Variants in VPS37A observed in about 807,000 individuals in gnomAD.
VPS37A encodes the protein VPS37A subunit of ESCRT-I.
In VPS37A, 30 loss-of-function variants were observed where a neutral mutation model predicts 49.8. The observed-to-expected ratio is 0.60, with a 90% CI of 0.45 to 0.82. The LOEUF is 0.82. VPS37A is among the 40% of genes least tolerant of loss of function. The pLI, the probability that VPS37A is intolerant of heterozygous loss-of-function variation, is 0.00. For synonymous variants in VPS37A, 195 were observed against 160.6 expected (o/e 1.21, Z -1.62); for missense variants, 593 against 464.4 (o/e 1.28, Z -2.55).
At chr8:17,329,279 G>A in the VPS37A span, among the ~76,000 whole-genome samples, 10 of 152,106 alleles carry the variant, frequency 6.6e-5, no homozygotes, top group African/African-American at 1.9e-4. Context: ...CCTCCGCAAT[G>A]GTTTATAATT....
At chr8:17,308,224 A>G in the VPS37A span, among the ~76,000 whole-genome samples, 3 of 152,084 alleles carry the variant, frequency 2.0e-5, no homozygotes, top group African/African-American at 4.8e-5. Context: ...TTATCAAACA[A>G]TTATCTAGCT....
At chr8:17,268,236 T>G (rs558191961) in intron 2 of VPS37A, 22 bp from the exon 3 acceptor site, 1 of 1,524,718 alleles carries the variant, frequency 6.6e-7, no homozygotes, top group Admixed American at 1.8e-5. Context: ...TTTTTGTTTT[T>G]CATCTGTTCT....
intron 6 of VPS37A, among the ~76,000 whole-genome samples, chr8:17,277,861 TAC>T (rs67718316): frequency 0.1 from 14,016 of 140,748 alleles, 667 homozygotes; most frequent in Middle Eastern, 0.13. Context: ...TTCTCTTTTA[TAC>T]ACACACACAC....
chr8:17,303,870 C>A (rs1425731750), downstream of VPS37A, among the ~76,000 whole-genome samples: 2 of 152,138 alleles, frequency 1.3e-5, no homozygotes, highest in Non-Finnish European at 2.9e-5. Context: ...TCGGCTAATA[C>A]ATACAATCTT....
At chr8:17,262,041 G>A (rs937524649) in intron 1 of VPS37A, among the ~76,000 whole-genome samples, 1 of 152,092 alleles carries the variant, frequency 6.6e-6, no homozygotes, top group African/African-American at 2.4e-5. Context: ...TGTTCACCTC[G>A]ATCTTACTTT....
downstream of VPS37A, chr8:17,305,703 AGTCAT>A (rs1817403817): frequency 6.8e-7 from 1 of 1,474,550 alleles, no homozygotes; most frequent in Non-Finnish European, 9.3e-7. Context: ...TAAAATTCTC[AGTCAT>A]CAAAATCTTT....
chr8:17,280,091 G>A lies in VPS37A; in HGVS notation c.777G>A (p.Leu259=), dbSNP rs544377432. The A allele has an allele frequency of 1.1e-5, 17 of 1,612,612 alleles. No individual in the cohort carries two copies. The East Asian group carries it at 3.3e-4, about 32-fold the overall frequency. Residue 259 remains leucine (L), a synonymous_variant, in exon 7 of 12, where the codon TTG becomes TTA. Transcript: ENST00000324849. ...TATTACTAGAACAGTTTCTGACTTT[G>A]CCTCAACTAAAACAAATTATTACCG... ...EEVLLEQFLT[L]PQLKQIITDK...
the VPS37A span, among the ~76,000 whole-genome samples, chr8:17,320,095 G>A: frequency 1.3e-5 from 2 of 151,898 alleles, no homozygotes; most frequent in Admixed American, 6.6e-5. Flanking sequence ...TGGGATAGAC[G>A]GGGTTAAATA....
chr8:17,327,900 ATACAG>A, the VPS37A span, among the ~76,000 whole-genome samples: 2 of 152,228 alleles, frequency 1.3e-5, no homozygotes, highest in African/African-American at 4.8e-5. Flanking sequence ...TTTTTCATCT[ATACAG>A]TACAGATAAT....
the VPS37A span, among the ~76,000 whole-genome samples, chr8:17,328,563 T>A: frequency 6.6e-6 from 1 of 151,870 alleles, no homozygotes; most frequent in South Asian, 2.1e-4. Flanking sequence ...TTGGGGCCTG[T>A]TGGCGGGGGT....
chr8:17,274,970 C>T lies in VPS37A; in HGVS notation c.642+12C>T. On this transcript the variant is annotated intron_variant, in intron 5 of 11. Transcript: ENST00000324849. Reference sequence around the variant, plus strand: ...ATGCTTCAATACCGGTTGGTATCGTCAGTTATCTATATTTTGTGCCACTGA... The same window carrying T: ...ATGCTTCAATACCGGTTGGTATCGTTAGTTATCTATATTTTGTGCCACTGA... 1 of 1,608,612 alleles carries T rather than the reference C, an allele frequency of 6.2e-7. No homozygotes were observed. Among genetic ancestry groups the T allele is most frequent in the East Asian group, 2.2e-5 (1 of 44,830 alleles).
the VPS37A span, among the ~76,000 whole-genome samples, chr8:17,309,838 C>G: frequency 6.6e-6 from 1 of 152,062 alleles, no homozygotes; most frequent in East Asian, 1.9e-4. Flanking sequence ...TTTCAGTGAT[C>G]TTTTCTACAC....
intron 11 of VPS37A, among the ~76,000 whole-genome samples, chr8:17,292,194 C>G (rs150313292): frequency 6.6e-6 from 1 of 152,052 alleles, no homozygotes; most frequent in African/African-American, 2.4e-5. Context: ...GCTCTTCTTC[C>G]TACATTGATC....
intron 2 of VPS37A, among the ~76,000 whole-genome samples, chr8:17,266,355 T>A (rs1484230504): frequency 1.3e-5 from 2 of 152,182 alleles, no homozygotes; most frequent in East Asian, 3.8e-4. Flanking sequence ...GTTAAAATAT[T>A]CCAAATTTCA....
At chr8:17,303,733 C>T (rs957756264), downstream of VPS37A, among the ~76,000 whole-genome samples, 1 of 152,026 alleles carries the variant, frequency 6.6e-6, no homozygotes, top group Non-Finnish European at 1.5e-5. Context: ...TCTCAGCCTC[C>T]CGAGTAGCTA....
At chr8:17,257,912 G>T (rs1159231949) in intron 1 of VPS37A, among the ~76,000 whole-genome samples, 1 of 152,052 alleles carries the variant, frequency 6.6e-6, no homozygotes, top group African/African-American at 2.4e-5. Flanking sequence ...ATTGTAACTA[G>T]GATTACTTTT....
At chr8:17,310,804 G>A in the VPS37A span, among the ~76,000 whole-genome samples, 16 of 152,246 alleles carry the variant, frequency 1.1e-4, no homozygotes, top group African/African-American at 2.2e-4. Flanking sequence ...TGTGTAGCAC[G>A]GATTCATGAT....
Position 17,247,118 on chromosome 8 carries a change from C to G in VPS37A, c.-127C>G. ...AGGCAGGACAGGCTTAGAGAAGACG[C>G]GGTCCCCAGCGCTTGGGCCACGGAC... On this transcript the variant is annotated 5_prime_UTR_variant, in exon 1 of 12. Transcript: ENST00000324849. The G allele has an allele frequency of 7.9e-7, 1 of 1,263,616 alleles. No homozygotes were observed. The highest frequency in any genetic ancestry group is 1.1e-6 in the Non-Finnish European group (1 of 910,674). 78.3% of individuals were successfully genotyped at this position (1,263,616 alleles called of 1,614,324 possible). A position where few individuals can be genotyped will look rare whatever the true frequency, so the allele number is the denominator to read the frequency against.
At chr8:17,326,257 G>C in the VPS37A span, 7 of 152,106 alleles carry the variant, frequency 4.6e-5, no homozygotes, top group African/African-American at 1.4e-4. Context: ...GCTGAAACAG[G>C]TTTCTCAGGC....
Sources: gnomAD v4.1 joint callset for allele counts (sites outside exome capture counted in the v4.1 genomes callset) on GRCh38, gnomAD v4.1.1 for gene constraint, MANE v1.5 for transcripts, NCBI Gene and HGNC (gene_info 2026-07-23, HGNC 2026-07-21) for gene names.